Variants in MYT1L observed in about 807,000 individuals in gnomAD.
MYT1L encodes the protein myelin transcription factor 1 like.
Under a neutral mutation model 126.7 loss-of-function variants are expected in MYT1L, and 12 were observed. The ratio of observed to expected loss-of-function variants is 0.09; its 90% CI spans 0.06 to 0.15. MYT1L has a LOEUF of 0.15. MYT1L is among the 10% of genes least tolerant of loss of function. The pLI is 1.00. For missense variants in MYT1L, 979 were observed against 1,585.2 expected (o/e 0.62, Z 6.49); for synonymous variants, 541 against 604.2 (o/e 0.90, Z 1.53).
intron 1 of MYT1L, among the ~76,000 whole-genome samples, chr2:2,284,953 G>T (rs7577112): frequency 0.35 from 52,455 of 151,752 alleles, 9,767 homozygotes; most frequent in Non-Finnish European, 0.42. Flanking sequence ...CCTGACCTCG[G>T]GATCCGCCCA....
chr2:1,951,409 A>G (rs909928751), intron 8 of MYT1L, among the ~76,000 whole-genome samples: 8 of 152,142 alleles, frequency 5.3e-5, no homozygotes, highest in African/African-American at 9.7e-5. Context: ...CCCAGGAGAC[A>G]CAACCCACAG....
chr2:2,061,037 A>G (rs1372544482), intron 3 of MYT1L, among the ~76,000 whole-genome samples: 1 of 152,102 alleles, frequency 6.6e-6, no homozygotes, highest in African/African-American at 2.4e-5. Flanking sequence ...TTTCCTTTTA[A>G]CATTTAAAGA....
At chr2:2,327,888 C>T (rs541029186) in intron 1 of MYT1L, among the ~76,000 whole-genome samples, 4 of 152,064 alleles carry the variant, frequency 2.6e-5, no homozygotes, top group African/African-American at 9.6e-5. Context: ...AATGTATCCA[C>T]TAAAATATAT....
intron 3 of MYT1L, among the ~76,000 whole-genome samples, chr2:2,111,856 C>A (rs1298484624): frequency 6.6e-6 from 1 of 152,240 alleles, no homozygotes; most frequent in African/African-American, 2.4e-5. Flanking sequence ...GGCCTGTGCC[C>A]TGTCTCCTCC....
chr2:1,984,854 A>C (rs1263261554), intron 5 of MYT1L, among the ~76,000 whole-genome samples: 1 of 152,066 alleles, frequency 6.6e-6, no homozygotes, highest in Non-Finnish European at 1.5e-5. Context: ...AACTCAGTAA[A>C]ATCCCTTGGA....
At chr2:1,992,291 G>T (rs2061506909) in intron 5 of MYT1L, among the ~76,000 whole-genome samples, 1 of 152,096 alleles carries the variant, frequency 6.6e-6, no homozygotes. Context: ...ATAATACTTG[G>T]CTAGTTTTTC....
chr2:2,298,038 C>G (rs2149508888), intron 1 of MYT1L, among the ~76,000 whole-genome samples: 1 of 152,316 alleles, frequency 6.6e-6, no homozygotes, highest in East Asian at 1.9e-4. Context: ...CACAAAATAC[C>G]CTTAACTTGC....
At chr2:2,159,949 G>C (rs1476678475) in intron 3 of MYT1L, among the ~76,000 whole-genome samples, 1 of 152,132 alleles carries the variant, frequency 6.6e-6, no homozygotes, top group Admixed American at 6.5e-5. Flanking sequence ...AGGAGCTCCA[G>C]GCTGGACACC....
intron 3 of MYT1L, among the ~76,000 whole-genome samples, chr2:2,097,804 C>T (rs2077608146): frequency 6.6e-6 from 1 of 152,118 alleles, no homozygotes; most frequent in African/African-American, 2.4e-5. Flanking sequence ...TGTGTACCTC[C>T]TCCACATCTC....
chr2:2,092,719 T>C (rs2077023156), intron 3 of MYT1L, among the ~76,000 whole-genome samples: 1 of 152,236 alleles, frequency 6.6e-6, no homozygotes, highest in African/African-American at 2.4e-5. Context: ...ATAACACACG[T>C]ATTTTTCTAT....
intron 3 of MYT1L, among the ~76,000 whole-genome samples, chr2:2,161,533 T>C (rs1267222867): frequency 2.0e-5 from 3 of 152,250 alleles, no homozygotes; most frequent in Non-Finnish European, 4.4e-5. Context: ...TGTGCCTATG[T>C]TGAATCCTTC....
intron 2 of MYT1L, among the ~76,000 whole-genome samples, chr2:2,183,747 A>G (rs1259981460): frequency 2.7e-5 from 4 of 150,392 alleles, no homozygotes; most frequent in Admixed American, 6.7e-5. Flanking sequence ...AGAAGGAAGG[A>G]AGGGAGGGAG....
intron 2 of MYT1L, among the ~76,000 whole-genome samples, chr2:2,231,547 A>C (rs1043010501): frequency 6.6e-6 from 1 of 152,118 alleles, no homozygotes; most frequent in African/African-American, 2.4e-5. Context: ...TCCCAGGCTC[A>C]AGCAATCCTC....
intron 2 of MYT1L, among the ~76,000 whole-genome samples, chr2:2,227,103 C>T (rs2094028908): frequency 6.6e-6 from 1 of 152,232 alleles, no homozygotes; most frequent in Non-Finnish European, 1.5e-5. Flanking sequence ...TCCTGGATCC[C>T]TTCCACCCTG....
At chr2:1,982,521 C>T (rs1009208963) in intron 5 of MYT1L, among the ~76,000 whole-genome samples, 23 of 152,130 alleles carry the variant, frequency 1.5e-4, no homozygotes, top group Admixed American at 4.6e-4. Flanking sequence ...AAGAAATTTC[C>T]TGGAGGAACT....
At chr2:2,277,656 A>T (rs1375874262) in intron 2 of MYT1L, among the ~76,000 whole-genome samples, 6 of 152,260 alleles carry the variant, frequency 3.9e-5, no homozygotes, top group African/African-American at 1.4e-4. Flanking sequence ...ATAGTGTGGA[A>T]AAGAAATAAT....
At chr2:1,903,601 G>A (rs1366859729) in intron 13 of MYT1L, among the ~76,000 whole-genome samples, 1 of 152,136 alleles carries the variant, frequency 6.6e-6, no homozygotes. Context: ...CATGAGATAT[G>A]AGGATGGGGA....
intron 3 of MYT1L, among the ~76,000 whole-genome samples, chr2:2,120,327 G>T (rs1428225642): frequency 6.6e-6 from 1 of 152,086 alleles, no homozygotes; most frequent in Non-Finnish European, 1.5e-5. Flanking sequence ...AACGTCATCT[G>T]CCTGGGCCTC....
At chr2:2,077,609 C>G (rs2075361532) in intron 3 of MYT1L, among the ~76,000 whole-genome samples, 1 of 152,106 alleles carries the variant, frequency 6.6e-6, no homozygotes, top group South Asian at 2.1e-4. Flanking sequence ...GAAGTGACTA[C>G]AAGGCAGAGT....
Sources: gnomAD v4.1 joint callset for allele counts (sites outside exome capture counted in the v4.1 genomes callset) on GRCh38, gnomAD v4.1.1 for gene constraint, MANE v1.5 for transcripts, NCBI Gene and HGNC (gene_info 2026-07-23, HGNC 2026-07-21) for gene names.